LNP1: variants seen among roughly 807,000 people sequenced by gnomAD.
The protein encoded by LNP1 is leukemia NUP98 fusion partner 1.
A neutral mutation model predicts 14.5 loss-of-function variants in LNP1; 12 were observed. The ratio of observed to expected loss-of-function variants is 0.83; its 90% confidence interval spans 0.53 to 1.34. LNP1 has a LOEUF of 1.34. Ranked by LOEUF, LNP1 falls within the 40% of genes most tolerant of loss-of-function variation. The pLI, the probability that LNP1 is intolerant of heterozygous loss-of-function variation, is 0.00. For synonymous variants in LNP1, 75 were observed against 71.4 expected (o/e 1.05, Z -0.26); for missense variants, 198 against 210.9 (o/e 0.94, Z 0.38).
chr3:100,409,882 A>G (rs1707012228), intron 1 of LNP1, among the ~76,000 whole-genome samples: 1 of 151,822 alleles, frequency 6.6e-6, no homozygotes, highest in African/African-American at 2.4e-5. Context: ...GGCGTGAGCC[A>G]CCACACCCAG....
chr3:100,428,657 A>G (rs1377700824), intron 1 of LNP1, among the ~76,000 whole-genome samples: 1 of 152,226 alleles, frequency 6.6e-6, no homozygotes, highest in Non-Finnish European at 1.5e-5. Flanking sequence ...ACTAAAAGAC[A>G]GGGACTATAA....
intron 2 of LNP1, among the ~76,000 whole-genome samples, chr3:100,435,392 A>T (rs1428309639): frequency 6.6e-6 from 1 of 152,334 alleles, no homozygotes. Context: ...CCCACATGTA[A>T]ATGGGATTGG....
intron 2 of LNP1, among the ~76,000 whole-genome samples, chr3:100,446,190 C>T (rs1331175499): frequency 2.6e-5 from 4 of 152,206 alleles, no homozygotes; most frequent in African/African-American, 9.7e-5. Flanking sequence ...CACTACCTGA[C>T]TTCAAACTAT....
At chr3:100,407,260 T>C (rs1407626421) in intron 1 of LNP1, among the ~76,000 whole-genome samples, 1 of 152,232 alleles carries the variant, frequency 6.6e-6, no homozygotes, top group Non-Finnish European at 1.5e-5. Flanking sequence ...TTAGCATTTC[T>C]TGTAAGACAG....
intron 2 of LNP1, among the ~76,000 whole-genome samples, chr3:100,451,144 C>T (rs1707434353): frequency 6.6e-6 from 1 of 152,196 alleles, no homozygotes; most frequent in Admixed American, 6.5e-5. Flanking sequence ...TGAGGCAGGT[C>T]TCAGTTAATC....
chr3:100,418,241 T>G (rs1282195996), intron 1 of LNP1, among the ~76,000 whole-genome samples: 1 of 150,590 alleles, frequency 6.6e-6, no homozygotes, highest in Non-Finnish European at 1.5e-5. Context: ...TTTTTTTTTT[T>G]GTATTTTTAG....
intron 1 of LNP1, among the ~76,000 whole-genome samples, chr3:100,403,509 G>T (rs1349817099): frequency 2.0e-5 from 3 of 151,626 alleles, no homozygotes; most frequent in Non-Finnish European, 4.4e-5. Context: ...TTGTTGCCCA[G>T]GCTGGAGTGC....
chr3:100,404,000 A>G (rs1187703340), intron 1 of LNP1, among the ~76,000 whole-genome samples: 2 of 152,246 alleles, frequency 1.3e-5, no homozygotes, highest in East Asian at 1.9e-4. Context: ...AAGCATGTAC[A>G]TATAGAACAG....
chr3:100,455,408 G>C (rs1265247613), intron 3 of LNP1, among the ~76,000 whole-genome samples: 3 of 152,228 alleles, frequency 2.0e-5, no homozygotes, highest in Non-Finnish European at 4.4e-5. Context: ...AGTGAACACA[G>C]AAAGCTAAGA....
intron 1 of LNP1, among the ~76,000 whole-genome samples, chr3:100,422,191 T>TTTG (rs958207289): frequency 6.6e-6 from 1 of 150,444 alleles, no homozygotes; most frequent in African/African-American, 2.5e-5. Context: ...TCTTTTTTTT[T>TTTG]TTTTTTTTTT....
At chr3:100,417,866 C>T (rs1707101648) in intron 1 of LNP1, among the ~76,000 whole-genome samples, 1 of 151,726 alleles carries the variant, frequency 6.6e-6, no homozygotes, top group Admixed American at 6.6e-5. Context: ...TGATTTCTTT[C>T]TTCATTTGTT....
intron 2 of LNP1, among the ~76,000 whole-genome samples, chr3:100,432,624 G>A (rs891317912): frequency 3.3e-5 from 5 of 152,132 alleles, no homozygotes; most frequent in Non-Finnish European, 7.4e-5. Flanking sequence ...CCATGTTATT[G>A]TTCTGCTGTC....
At chr3:100,408,603 CA>C in intron 1 of LNP1, among the ~76,000 whole-genome samples, 1 of 152,328 alleles carries the variant, frequency 6.6e-6, no homozygotes, top group Admixed American at 6.5e-5. Flanking sequence ...GTTTGTCTCA[CA>C]GGGGCTATGG....
chr3:100,445,662 A>G (rs1418006452), intron 2 of LNP1, among the ~76,000 whole-genome samples: 1 of 152,182 alleles, frequency 6.6e-6, no homozygotes, highest in Admixed American at 6.5e-5. Context: ...GGATCATATC[A>G]AAGTTTTTGG....
At chr3:100,408,491 A>T (rs1343405915) in intron 1 of LNP1, among the ~76,000 whole-genome samples, 1 of 152,232 alleles carries the variant, frequency 6.6e-6, no homozygotes, top group East Asian at 1.9e-4. Flanking sequence ...ACTGGGGTAC[A>T]TCTGAAGCTT....
intron 2 of LNP1, among the ~76,000 whole-genome samples, chr3:100,433,441 A>C (rs1239434267): frequency 6.6e-6 from 1 of 152,092 alleles, no homozygotes; most frequent in African/African-American, 2.4e-5. Flanking sequence ...GTGTATATGC[A>C]CCACATTTTC....
At chr3:100,439,650 A>G (rs1021054397) in intron 2 of LNP1, among the ~76,000 whole-genome samples, 6 of 151,906 alleles carry the variant, frequency 3.9e-5, no homozygotes, top group African/African-American at 1.5e-4. Flanking sequence ...ACCCCGTTCT[A>G]CCTTCTCATT....
chr3:100,441,829 A>AT (rs920112812), intron 2 of LNP1, among the ~76,000 whole-genome samples: 2 of 151,322 alleles, frequency 1.3e-5, no homozygotes, highest in African/African-American at 2.4e-5. Context: ...TACCCAGCTA[A>AT]TTTTTTTGTA....
intron 1 of LNP1, among the ~76,000 whole-genome samples, chr3:100,427,695 G>A (rs944672437): frequency 2.0e-5 from 3 of 152,164 alleles, no homozygotes; most frequent in Admixed American, 1.3e-4. Flanking sequence ...TTATTATGTT[G>A]AAAGGATACA....
Sources: allele counts gnomAD v4.1 joint callset (sites outside exome capture counted in the v4.1 genomes callset), GRCh38; gene constraint gnomAD v4.1.1; transcripts MANE v1.5; gene names NCBI Gene and HGNC (gene_info 2026-07-23, HGNC 2026-07-21).